The following KHDRBS2 variants were observed in gnomAD, a reference collection of about 807,000 sequenced individuals.
The protein encoded by KHDRBS2 is KH domain-containing, RNA-binding, signal transduction-associated protein 2.
KHDRBS2 carries 26 observed loss-of-function variants against 44.3 expected under a neutral mutation model. The observed-to-expected ratio is 0.59, with a 90% CI of 0.43 to 0.81. The LOEUF (loss-of-function observed/expected upper bound fraction) is 0.81, where lower values mean the gene tolerates loss of function less well. KHDRBS2 is among the 40% of genes least tolerant of loss of function. KHDRBS2 has a pLI of 0.00. For missense variants in KHDRBS2, 476 were observed against 433.1 expected, an observed-to-expected ratio of 1.10 and a Z score of -0.88; for synonymous variants, 194 against 151.1, an observed-to-expected ratio of 1.28 and a Z score of -2.08.
intron 6 of KHDRBS2, among the ~76,000 whole-genome samples, chr6:61,873,942 G>T (rs1799029639): frequency 6.6e-6 from 1 of 151,778 alleles, no homozygotes; most frequent in African/African-American, 2.4e-5. Flanking sequence ...GATGCATGGG[G>T]GGCATTCAGA....
the KHDRBS2 span, among the ~76,000 whole-genome samples, chr6:61,645,718 G>A: frequency 6.6e-6 from 1 of 152,084 alleles, no homozygotes. Flanking sequence ...AAAGACCTAA[G>A]GAGCATAATA....
chr6:61,900,432 G>T (rs1054354233), intron 5 of KHDRBS2, among the ~76,000 whole-genome samples: 6 of 152,196 alleles, frequency 3.9e-5, no homozygotes, highest in Admixed American at 3.9e-4. Context: ...AAGATGAAGA[G>T]AATGATTAAA....
chr6:61,908,815 T>G (rs553515565), intron 4 of KHDRBS2, among the ~76,000 whole-genome samples: 2 of 152,212 alleles, frequency 1.3e-5, no homozygotes, highest in East Asian at 3.9e-4. Context: ...TAATGGTATG[T>G]TAGATAGAAT....
At chr6:61,839,162 C>T (rs1436441247) in intron 6 of KHDRBS2, among the ~76,000 whole-genome samples, 9 of 152,180 alleles carry the variant, frequency 5.9e-5, no homozygotes, top group Middle Eastern at 3.4e-3. Context: ...CCATAAGAAG[C>T]GTCTGTGTCT....
At chr6:62,072,405 C>T (rs1009108859) in intron 2 of KHDRBS2, among the ~76,000 whole-genome samples, 16 of 152,130 alleles carry the variant, frequency 1.1e-4, no homozygotes, top group African/African-American at 3.9e-4. Flanking sequence ...GAGAGGGCAT[C>T]CCTGTCTTCT....
the KHDRBS2 span, among the ~76,000 whole-genome samples, chr6:61,577,471 A>G: frequency 6.6e-6 from 1 of 152,178 alleles, no homozygotes; most frequent in East Asian, 1.9e-4. Context: ...CAATACCAGC[A>G]AATTGCACCA....
At chr6:62,155,188 G>A (rs1816090246) in intron 2 of KHDRBS2, among the ~76,000 whole-genome samples, 1 of 151,996 alleles carries the variant, frequency 6.6e-6, no homozygotes. Context: ...AAAATGGACA[G>A]GATTTAGTAA....
chr6:62,164,213 T>C (rs886295896), intron 2 of KHDRBS2, among the ~76,000 whole-genome samples: 1 of 151,902 alleles, frequency 6.6e-6, no homozygotes, highest in Non-Finnish European at 1.5e-5. Context: ...AACTTACTAA[T>C]GTTATTATTT....
the KHDRBS2 span, among the ~76,000 whole-genome samples, chr6:61,590,507 A>G: frequency 6.6e-6 from 1 of 152,222 alleles, no homozygotes; most frequent in African/African-American, 2.4e-5. Flanking sequence ...TACCACTATT[A>G]AAGACTCAAA....
At chr6:61,920,602 A>C (rs1198633402) in intron 4 of KHDRBS2, among the ~76,000 whole-genome samples, 1 of 152,054 alleles carries the variant, frequency 6.6e-6, no homozygotes, top group Non-Finnish European at 1.5e-5. Context: ...ACTACAACAA[A>C]TTATGAAATG....
At chr6:61,848,532 CAT>C (rs1554236783) in intron 6 of KHDRBS2, among the ~76,000 whole-genome samples, 2 of 28,210 alleles carry the variant, frequency 7.1e-5, no homozygotes, top group African/African-American at 2.1e-4. Flanking sequence ...TATATATATA[CAT>C]ATATATGTAT....
intron 7 of KHDRBS2, among the ~76,000 whole-genome samples, chr6:61,698,879 C>T (rs1255459099): frequency 6.6e-6 from 1 of 152,052 alleles, no homozygotes; most frequent in African/African-American, 2.4e-5. Flanking sequence ...TCTTTCAGAG[C>T]TCACTCAAAT....
intron 4 of KHDRBS2, among the ~76,000 whole-genome samples, chr6:61,953,465 T>G (rs1339308062): frequency 6.6e-6 from 1 of 151,954 alleles, no homozygotes; most frequent in African/African-American, 2.4e-5. Context: ...CCATCTAAAC[T>G]GAAAAAGGTA....
At chr6:62,171,278 T>A (rs1185945871) in intron 2 of KHDRBS2, among the ~76,000 whole-genome samples, 3 of 151,828 alleles carry the variant, frequency 2.0e-5, no homozygotes, top group Non-Finnish European at 4.4e-5. Context: ...CTACAAAAAT[T>A]TAATAATACA....
intron 4 of KHDRBS2, among the ~76,000 whole-genome samples, chr6:61,939,507 A>G (rs1811721853): frequency 6.6e-6 from 1 of 152,166 alleles, no homozygotes; most frequent in South Asian, 2.1e-4. Flanking sequence ...TGTCAGCAGT[A>G]GAATTTTAGT....
At chr6:62,264,393 T>A (rs1736209343) in intron 1 of KHDRBS2, among the ~76,000 whole-genome samples, 1 of 151,854 alleles carries the variant, frequency 6.6e-6, no homozygotes, top group African/African-American at 2.4e-5. Flanking sequence ...ATATCCATAA[T>A]CATTTTTTAT....
chr6:61,802,974 C>T (rs1320071744), intron 6 of KHDRBS2, among the ~76,000 whole-genome samples: 1 of 152,082 alleles, frequency 6.6e-6, no homozygotes, highest in Non-Finnish European at 1.5e-5. Context: ...AGATTTAAGG[C>T]AATTATCTTG....
intron 6 of KHDRBS2, among the ~76,000 whole-genome samples, chr6:61,861,265 T>C (rs1455028378): frequency 6.6e-6 from 1 of 152,082 alleles, no homozygotes; most frequent in Non-Finnish European, 1.5e-5. Context: ...TTGCTTTTGG[T>C]GTCTTTGTTA....
At chr6:62,005,888 T>C (rs991906026) in intron 3 of KHDRBS2, among the ~76,000 whole-genome samples, 3 of 152,026 alleles carry the variant, frequency 2.0e-5, no homozygotes, top group South Asian at 2.1e-4. Context: ...AATCTTGAGA[T>C]AATACACAGT....
Sources: gnomAD v4.1 joint callset for allele counts (sites outside exome capture counted in the v4.1 genomes callset) on GRCh38, gnomAD v4.1.1 for gene constraint, MANE v1.5 for transcripts, NCBI Gene and HGNC (gene_info 2026-07-23, HGNC 2026-07-21) for gene names.